The following NXN variants were observed in gnomAD, a reference collection of about 807,000 sequenced individuals.
NXN encodes the protein nucleoredoxin.
NXN carries 16 observed loss-of-function variants against 48.6 expected under a neutral mutation model. That is an observed-to-expected ratio of 0.33 (90% CI 0.22 to 0.50). NXN has a LOEUF of 0.50. Ranked by LOEUF, NXN falls within the 20% of genes least tolerant of loss-of-function variation. The pLI is 0.98. For synonymous variants in NXN, 281 were observed against 269.6 expected (o/e 1.04, Z -0.41); for missense variants, 492 against 605.5 (o/e 0.81, Z 1.97).
intron 1 of NXN, among the ~76,000 whole-genome samples, chr17:854,625 AG>A (rs2067965567): frequency 1.4e-5 from 2 of 143,060 alleles, no homozygotes; most frequent in Non-Finnish European, 3.0e-5. Context: ...ACTGCACTCC[AG>A]CCTGGGCGAC....
chr17:876,479 G>A (rs1046377428), intron 1 of NXN, among the ~76,000 whole-genome samples: 10 of 152,112 alleles, frequency 6.6e-5, no homozygotes, highest in African/African-American at 1.7e-4. Flanking sequence ...TTTAGAACAC[G>A]CTAGGCGTCC....
intron 1 of NXN, among the ~76,000 whole-genome samples, chr17:970,936 T>C (rs2069368547): frequency 6.6e-6 from 1 of 150,972 alleles, no homozygotes; most frequent in East Asian, 2.0e-4. Context: ...GGTCTGCAGA[T>C]ATGAGACTCT....
At chr17:860,143 A>G (rs1403977711) in intron 1 of NXN, among the ~76,000 whole-genome samples, 2 of 150,962 alleles carry the variant, frequency 1.3e-5, no homozygotes, top group African/African-American at 2.5e-5. Flanking sequence ...TTATTATTTA[A>G]GACATAGTCT....
At chr17:949,735 C>T (rs79619722) in intron 1 of NXN, among the ~76,000 whole-genome samples, 2,539 of 143,970 alleles carry the variant, frequency 0.018, 160 homozygotes, top group African/African-American at 0.064. Flanking sequence ...CCTCTCCCCG[C>T]GGGCCTCCTC....
chr17:951,376 T>TTC (rs1263988249), intron 1 of NXN, among the ~76,000 whole-genome samples: 2 of 149,356 alleles, frequency 1.3e-5, no homozygotes, highest in Non-Finnish European at 3.0e-5. Flanking sequence ...ACTGAACAGC[T>TTC]TCTCTTTAGA....
chr17:969,769 A>G (rs1054851048), intron 1 of NXN, among the ~76,000 whole-genome samples: 26 of 152,198 alleles, frequency 1.7e-4, no homozygotes, highest in African/African-American at 6.3e-4. Flanking sequence ...TGACCAAAAA[A>G]AGACAAATTA....
intron 1 of NXN, among the ~76,000 whole-genome samples, chr17:887,354 C>T (rs1330193366): frequency 1.3e-5 from 2 of 152,146 alleles, no homozygotes; most frequent in Non-Finnish European, 2.9e-5. Flanking sequence ...CACAAGGCAG[C>T]GTCCGATTCA....
chr17:952,213 G>A (rs2069121014), intron 1 of NXN, among the ~76,000 whole-genome samples: 1 of 121,748 alleles, frequency 8.2e-6, no homozygotes, highest in African/African-American at 2.9e-5. Flanking sequence ...TTGGAACCCG[G>A]CAGGTACCAC....
rs763870281 is a variant in NXN, at chr17:825,976, G to C, written c.463C>G (p.Arg155Gly). Residue 155 changes from arginine to glycine, a missense_variant, in exon 2 of 8, where the codon CGA (arginine) becomes GGA (glycine). Coordinates refer to ENST00000336868, the MANE Select transcript of NXN (RefSeq NM_022463.5). This position sits in a 1 kb window ranked among gnomAD's most constrained non-coding sequence, Gnocchi z 4.1. ...VVCRNGLLVI[R>G]DDPEGLEFPW... ...GAGGTTTTACCTTCTGGGTCATCTC[G>C]GATCACCAGCAGCCCGTTCCTGCAC... is the stretch of plus-strand genomic sequence containing the variant. The C allele has an allele frequency of 6.2e-7, 1 of 1,610,954 alleles. No individual in the cohort carries two copies. Among genetic ancestry groups the C allele is most frequent in the East Asian group, 2.2e-5 (1 of 44,850 alleles).
chr17:923,012 G>A (rs978294810), intron 1 of NXN, among the ~76,000 whole-genome samples: 1 of 152,064 alleles, frequency 6.6e-6, no homozygotes, highest in Non-Finnish European at 1.5e-5. Context: ...GGAGCCCAGA[G>A]TCTTCATCTC....
At chr17:813,024 C>T (rs1056951572) in intron 5 of NXN, among the ~76,000 whole-genome samples, 7 of 151,456 alleles carry the variant, frequency 4.6e-5, no homozygotes, top group African/African-American at 7.3e-5. Flanking sequence ...GTTGTGTGCA[C>T]GCGTGTGTGA....
At chr17:892,245 C>G (rs1330593028) in intron 1 of NXN, among the ~76,000 whole-genome samples, 1 of 151,966 alleles carries the variant, frequency 6.6e-6, no homozygotes, top group Admixed American at 6.6e-5. Flanking sequence ...CTAAGCTAAC[C>G]CCACCATGCA....
At chr17:889,115 G>A (rs1181635420) in intron 1 of NXN, among the ~76,000 whole-genome samples, 2 of 152,174 alleles carry the variant, frequency 1.3e-5, no homozygotes, top group Admixed American at 1.3e-4. Flanking sequence ...TCAGGAAACA[G>A]GTTCAAATCT....
chr17:954,289 G>C lies in NXN; in HGVS notation c.360+25030C>G, dbSNP rs566470197. Among the ~76,000 whole-genome samples the C allele has an allele frequency of 8.5e-5, 13 of 152,314 alleles. 1 individual carries two copies. The highest frequency in any genetic ancestry group is 7.8e-4 in the Admixed American group (12 of 15,296). On this transcript the variant is annotated intron_variant, in intron 1 of 7. Transcript: ENST00000336868. ...CCAGCTACTCAAGAGGCTGAAGCAG[G>C]AGAATCCCTTGAATCTTGAAGGTGG...
At chr17:969,983 G>C (rs924950534) in intron 1 of NXN, among the ~76,000 whole-genome samples, 38 of 152,300 alleles carry the variant, frequency 2.5e-4, no homozygotes, top group African/African-American at 8.9e-4. Context: ...TGGGGAGCAG[G>C]GGGAGAGGCT....
chr17:803,339 A>G (rs1911306710), intron 7 of NXN, among the ~76,000 whole-genome samples: 1 of 152,208 alleles, frequency 6.6e-6, no homozygotes, highest in Non-Finnish European at 1.5e-5. Context: ...CGAACCCAGC[A>G]TTTTGTAAAG....
rs889697007 is a variant in NXN, at chr17:896,847, G to A, written c.361-70769C>T. On this transcript the variant is annotated intron_variant, in intron 1 of 7. Transcript: ENST00000336868. ...TCGAAGATGCTAAAATGGACCACGC[G>A]GTCCTGACCACCCGCCCCCGGCCCC... 14 of 1,183,958 alleles carry A rather than the reference G, an allele frequency of 1.2e-5. No homozygotes were observed. In the Admixed American group the frequency reaches 1.8e-4, roughly 15 times the overall value. 73.3% of individuals were successfully genotyped at this position (1,183,958 alleles called of 1,614,324 possible).
intron 1 of NXN, among the ~76,000 whole-genome samples, chr17:966,640 C>T (rs955148916): frequency 1.1e-4 from 17 of 152,232 alleles, no homozygotes; most frequent in African/African-American, 4.1e-4. Context: ...AGCCACCACG[C>T]CCGGCTGGTG....
chr17:948,181 A>G (rs1424068248), intron 1 of NXN, among the ~76,000 whole-genome samples: 5 of 152,208 alleles, frequency 3.3e-5, no homozygotes, highest in Admixed American at 3.3e-4. Context: ...GGTATTACTC[A>G]TAATACATTG....
Sources: gnomAD v4.1 joint callset for allele counts (sites outside exome capture counted in the v4.1 genomes callset) on GRCh38, gnomAD v4.1.1 for gene constraint, Gnocchi (gnomAD v3.1) non-coding constraint, MANE v1.5 for transcripts, NCBI Gene and HGNC (gene_info 2026-07-23, HGNC 2026-07-21) for gene names.